The following AP3M1 variants were observed in gnomAD, a reference collection of about 807,000 sequenced individuals.
AP3M1 encodes the protein adaptor related protein complex 3 subunit mu 1.
A neutral mutation model predicts 42.6 loss-of-function variants in AP3M1; 29 were observed. That is an observed-to-expected ratio of 0.68 (90% CI 0.51 to 0.93). The LOEUF (loss-of-function observed/expected upper bound fraction) is 0.93. Ranked by LOEUF, AP3M1 falls within the 40% of genes least tolerant of loss-of-function variation. The pLI is 0.00. For missense variants in AP3M1, 416 were observed against 510.2 expected (o/e 0.82, Z 1.78); for synonymous variants, 178 against 175.3 (o/e 1.02, Z -0.12).
chr10:74,137,381 A>G (rs1362856177), intron 2 of AP3M1, among the ~76,000 whole-genome samples: 1 of 152,252 alleles, frequency 6.6e-6, no homozygotes, highest in Non-Finnish European at 1.5e-5. Context: ...GTATTGAAAC[A>G]TTAAATTGGA....
intron 1 of AP3M1, among the ~76,000 whole-genome samples, chr10:74,147,120 T>C (rs1386269365): frequency 2.0e-5 from 3 of 152,012 alleles, no homozygotes; most frequent in African/African-American, 7.2e-5. Flanking sequence ...CCATCTCCAC[T>C]AAAAATACCA....
At chr10:74,139,899 T>C (rs1312473668) in intron 1 of AP3M1, among the ~76,000 whole-genome samples, 1 of 139,242 alleles carries the variant, frequency 7.2e-6, no homozygotes, top group African/African-American at 2.7e-5. Context: ...GGGTGACAGA[T>C]TGAGACTCCA....
At chr10:74,128,571 C>T (rs933226335) in intron 6 of AP3M1, among the ~76,000 whole-genome samples, 5 of 151,990 alleles carry the variant, frequency 3.3e-5, no homozygotes, top group African/African-American at 9.7e-5. Flanking sequence ...AAAAACTCAA[C>T]GCAGAGAAGA....
chr10:74,135,638 G>C (rs921884201), intron 3 of AP3M1, among the ~76,000 whole-genome samples: 2 of 151,974 alleles, frequency 1.3e-5, no homozygotes, highest in African/African-American at 4.8e-5. Flanking sequence ...TCAGTTTTGT[G>C]CTGACTTTTC....
At chr10:74,124,845 C>T (rs771328762) in intron 7 of AP3M1, among the ~76,000 whole-genome samples, 5 of 152,132 alleles carry the variant, frequency 3.3e-5, no homozygotes, top group South Asian at 2.1e-4. Context: ...GCTCAGAGGA[C>T]ATTAAGGCTC....
In AP3M1 at chr10:74,121,901, G is replaced by C. The variant is rs974793128; in HGVS notation, c.*1909C>G. 6.6e-6 allele frequency: 1 copy of C among 152,172 alleles called. No individual in the cohort carries two copies. The allele number at this position is 152,172 out of a possible 1,614,324, so 9.4% of individuals were successfully genotyped here. On this transcript the variant is annotated 3_prime_UTR_variant, in exon 9 of 9. Transcript: ENST00000355264. ...GGACATTTTAGTAGAAATTGCTAGA[G>C]GGAAGGAGCTCCTGGCGTACATTCT...
In AP3M1 at chr10:74,136,380, T is replaced by A. The variant is rs1240994175; in HGVS notation, c.445+252A>T. Among the ~76,000 whole-genome samples, 3 of 152,258 alleles carry A rather than the reference T, an allele frequency of 2.0e-5. No individual in the cohort carries two copies. The East Asian group carries it at 5.8e-4, about 29-fold the overall frequency. ...ATTTATTCAGTCTTAGTATTTAGTGTTAAATAATGGTAATAATATTGTTGT... is the reference window on the plus strand; with the variant it reads ...ATTTATTCAGTCTTAGTATTTAGTGATAAATAATGGTAATAATATTGTTGT... On this transcript the variant is annotated intron_variant, in intron 3 of 8. Transcript: ENST00000355264.
chr10:74,142,212 TGTATAAGCACCA>T (rs1413664779), intron 1 of AP3M1, among the ~76,000 whole-genome samples: 1 of 152,206 alleles, frequency 6.6e-6, no homozygotes, highest in Non-Finnish European at 1.5e-5. Flanking sequence ...ATCTTTTACG[TGTATAAGCACCA>T]GTATCAGGTG....
At position 74,126,369 on chromosome 10, in the gene AP3M1, C is replaced by A. The variant is rs772485726; in HGVS notation, c.804-14G>T. The A allele has an allele frequency of 6.2e-7, 1 of 1,606,930 alleles. No homozygotes were observed. The highest frequency in any genetic ancestry group is 1.3e-5 in the African/African-American group (1 of 74,704). On this transcript the variant is annotated splice_polypyrimidine_tract_variant and intron_variant, in intron 6 of 8. Coordinates refer to ENST00000355264, the MANE Select transcript of AP3M1 (RefSeq NM_012095.6). ...ATTGCCACTAGACTAAAAAGAGAAA[C>A]AGAGAAAGATACAAAAGCACAAACA...
chr10:74,143,713 T>C (rs891960557), intron 1 of AP3M1, among the ~76,000 whole-genome samples: 4 of 152,206 alleles, frequency 2.6e-5, no homozygotes, highest in African/African-American at 9.6e-5. Flanking sequence ...TTAGGTCAAT[T>C]ACCTAAGATC....
At chr10:74,130,023 A>G in intron 4 of AP3M1, 31 bp from the exon 5 acceptor site, 1 of 1,350,084 alleles carries the variant, frequency 7.4e-7, no homozygotes, top group Non-Finnish European at 1.1e-6. Flanking sequence ...GGAAGATAAC[A>G]TCAATGGAAT....
intron 1 of AP3M1, among the ~76,000 whole-genome samples, chr10:74,141,841 T>G (rs1299149288): frequency 1.3e-5 from 2 of 151,058 alleles, no homozygotes; most frequent in Non-Finnish European, 3.0e-5. Context: ...GCCTCCCTAG[T>G]AGCTGGGATT....
At chr10:74,140,048 T>C (rs1003740065) in intron 1 of AP3M1, among the ~76,000 whole-genome samples, 4 of 151,362 alleles carry the variant, frequency 2.6e-5, no homozygotes, top group African/African-American at 9.7e-5. Context: ...CGGGGTGGGG[T>C]GCGCCATTCC....
rs1840409958 is a variant in AP3M1 at position 74,120,569 on chromosome 10, G to A, written c.*3241C>T. 1 of 152,424 alleles carries A rather than the reference G, an allele frequency of 6.6e-6. No individual in the cohort carries two copies. 9.4% of individuals were successfully genotyped at this position (152,424 alleles called of 1,614,324 possible). On this transcript the variant is annotated 3_prime_UTR_variant, in exon 9 of 9. Transcript: ENST00000355264. ...GACTTGCTCTGTTGCCCAGGCTGCA[G>A]TGCAGTGGTGCAATCTCAGCTCACT...
At position 74,138,369 on chromosome 10, in the gene AP3M1, C is replaced by G. The variant is rs771380151; in HGVS notation, c.11G>C (p.Ser4Thr). Residue 4 changes from serine (S) to threonine (T), a missense_variant, in exon 2 of 9, where the codon AGT (serine) becomes ACT (threonine). Coordinates refer to ENST00000355264, the MANE Select transcript of AP3M1 (RefSeq NM_012095.6). Reference protein sequence around the residue: MIHSLFLINCSGDI... With the variant: MIHTLFLINCSGDI... ...ACCGGAACAGTTTATGAGAAATAGA[C>G]TGTGGATCATTTTCTGTTGGGGCAA... is the stretch of plus-strand genomic sequence containing the variant. The G allele has an allele frequency of 6.2e-7, 1 of 1,610,602 alleles. No homozygotes were observed. The highest frequency in any genetic ancestry group is 1.1e-5 in the South Asian group (1 of 90,668).
chr10:74,148,128 G>A (rs1841387746), intron 1 of AP3M1, among the ~76,000 whole-genome samples: 2 of 152,178 alleles, frequency 1.3e-5, no homozygotes, highest in South Asian at 2.1e-4. Context: ...AAGTCTAGCT[G>A]TGAAGAGGAT....
In AP3M1 at chr10:74,136,756, GACC is replaced by G. The variant is rs761021881; in HGVS notation, c.318_320del (p.Val107del). On this transcript the variant is annotated inframe_deletion, in exon 3 of 9. Transcript: ENST00000355264. ...TTTCTTCTAAGAGTTCATATACTAT[GACC>G]ACATTATCCTTAATTGCAGCCTCTG... 6.4e-7 allele frequency: 1 copy of G among 1,566,524 alleles called. No homozygotes were observed. The highest frequency in any genetic ancestry group is 8.7e-7 in the Non-Finnish European group (1 of 1,145,390).
intron 8 of AP3M1, 35 bp from the exon 9 acceptor site, chr10:74,123,945 A>G (rs779506986): frequency 5.1e-6 from 8 of 1,555,910 alleles, no homozygotes; most frequent in East Asian, 4.5e-5. Context: ...ATAAATTATC[A>G]TCATCCCAAC....
intron 1 of AP3M1, among the ~76,000 whole-genome samples, chr10:74,147,976 G>T (rs780937572): frequency 6.6e-6 from 1 of 151,968 alleles, no homozygotes; most frequent in Non-Finnish European, 1.5e-5. Context: ...CAGCCTGGGC[G>T]ACAAGAGCAA....
Sources: gnomAD v4.1 joint callset for allele counts (sites outside exome capture counted in the v4.1 genomes callset) on GRCh38, gnomAD v4.1.1 for gene constraint, MANE v1.5 for transcripts, NCBI Gene and HGNC (gene_info 2026-07-23, HGNC 2026-07-21) for gene names.